LONRF2: variants seen among roughly 807,000 people sequenced by gnomAD.
The protein encoded by LONRF2 is LON peptidase N-terminal domain and ring finger 2.
In LONRF2, 35 loss-of-function variants were observed where a neutral mutation model predicts 66.6. That is an observed-to-expected ratio of 0.53 (90% confidence interval 0.40 to 0.70). The LOEUF (loss-of-function observed/expected upper bound fraction) is 0.70, where lower values mean the gene tolerates loss of function less well. LONRF2 is among the 30% of genes least tolerant of loss of function. The pLI is 0.00. For missense variants in LONRF2, 902 were observed against 1,002.1 expected, an observed-to-expected ratio of 0.90 and a Z score of 1.35; for synonymous variants, 417 against 418.1, an observed-to-expected ratio of 1.00 and a Z score of 0.03.
chr2:100,300,945 T>C (rs1233495099), intron 3 of LONRF2, among the ~76,000 whole-genome samples, 158 bp from the exon 4 acceptor site: 1 of 152,220 alleles, frequency 6.6e-6, no homozygotes, highest in Non-Finnish European at 1.5e-5. Context: ...CCAAACATTT[T>C]TGAAACCAGA....
chr2:100,291,643 C>T (rs984863089), intron 9 of LONRF2, among the ~76,000 whole-genome samples: 1 of 152,096 alleles, frequency 6.6e-6, no homozygotes, highest in African/African-American at 2.4e-5. Context: ...CCTGTCTGAC[C>T]TCCCTAAGGC....
Position 100,294,450 on chromosome 2 carries a change from G to A in LONRF2, c.1599-63C>T, listed in dbSNP as rs1675024383. 4.2e-6 allele frequency: 6 copies of A among 1,442,538 alleles called. No homozygotes were observed. The East Asian group carries it at 1.6e-4, about 37-fold the overall frequency. The allele number at this position is 1,442,538 out of a possible 1,614,324, so 89.4% of individuals were successfully genotyped here. On this transcript the variant is annotated intron_variant, in intron 8 of 11. Transcript: ENST00000393437. ...GCTGTTAGATCAGAGGGTGGTACTG[G>A]CCACCAAAACAGCAAAAGCCAGCCA...
chr2:100,300,527 G>T, intron 4 of LONRF2, 117 bp downstream of exon 4: 4 of 1,022,620 alleles, frequency 3.9e-6, no homozygotes, highest in South Asian at 2.3e-5. Flanking sequence ...CTGGTCTTGA[G>T]AAATATGTCT....
chr2:100,298,157 G>C (rs1290234740), intron 7 of LONRF2, among the ~76,000 whole-genome samples: 1 of 152,110 alleles, frequency 6.6e-6, no homozygotes, highest in Non-Finnish European at 1.5e-5. Flanking sequence ...GGCACTAATA[G>C]GACCACAGCC....
At chr2:100,317,716 C>T (rs939538101) in intron 1 of LONRF2, among the ~76,000 whole-genome samples, 2 of 151,696 alleles carry the variant, frequency 1.3e-5, no homozygotes, top group Admixed American at 1.3e-4. Context: ...AAAATATTTT[C>T]AGGTAAAGAA....
chr2:100,310,161 C>CT (rs36071140), intron 1 of LONRF2, among the ~76,000 whole-genome samples: 77,327 of 151,936 alleles, frequency 0.51, 20,028 homozygotes, highest in East Asian at 0.76. Context: ...CCAAGACTGG[C>CT]CTCTCTTTGA....
chr2:100,300,716 T>A lies in LONRF2; in HGVS notation c.993A>T (p.Arg331Ser). 3 of 1,613,954 alleles carry A rather than the reference T, an allele frequency of 1.9e-6. No homozygotes were observed. The highest frequency in any genetic ancestry group is 4.5e-5 in the East Asian group (2 of 44,874). Residue 331 changes from arginine (R) to serine (S), a missense_variant, in exon 4 of 12, where the codon AGA becomes AGT. Arg to Ser is a moderately radical substitution (Grantham distance 110, BLOSUM62 -1). Transcript: ENST00000393437. ...TGTGGCTGTGACCCTGAGCCTTTAATCTGCTTTGGATGGAAGATGTTAAAT... is the reference window on the plus strand; with the variant it reads ...TGTGGCTGTGACCCTGAGCCTTTAAACTGCTTTGGATGGAAGATGTTAAAT... ...HENLTSSIQS[R>S]LKAQGHSHMN...
At chr2:100,290,015 G>C (rs1674925377) in intron 10 of LONRF2, among the ~76,000 whole-genome samples, 1 of 152,160 alleles carries the variant, frequency 6.6e-6, no homozygotes, top group South Asian at 2.1e-4. Context: ...GCTAAAGCAG[G>C]AGGATCGTTT....
chr2:100,300,881 C>A lies in LONRF2; in HGVS notation c.922-94G>T, dbSNP rs560419575. ...ATAGATTCAGAGGAAACTAAGAGGC[C>A]AAATAAGCCTAAAATGTTGAAAAGA... On this transcript the variant is annotated intron_variant, in intron 3 of 11. Coordinates refer to ENST00000393437, the MANE Select transcript of LONRF2 (RefSeq NM_198461.4). 2.1e-5 allele frequency: 20 copies of A among 944,486 alleles called. 1 individual carries two copies. The highest frequency in any genetic ancestry group is 2.0e-4 in the African/African-American group (12 of 59,642). 58.5% of individuals were successfully genotyped at this position (944,486 alleles called of 1,614,324 possible). A position where few individuals can be genotyped will look rare whatever the true frequency, so the allele number is the denominator to read the frequency against.
Position 100,284,307 on chromosome 2 carries a change from T to C in LONRF2, c.2256A>G (p.Arg752=). 1 of 1,531,992 alleles carries C rather than the reference T, an allele frequency of 6.5e-7. No individual in the cohort carries two copies. Among genetic ancestry groups the C allele is most frequent in the Non-Finnish European group, 8.8e-7 (1 of 1,133,842 alleles). The allele number at this position is 1,531,992 out of a possible 1,614,324, so 94.9% of individuals were successfully genotyped here. A position where few individuals can be genotyped will look rare whatever the true frequency, so the allele number is the denominator to read the frequency against. ...SRQELANARE[R]NN is the part of the protein sequence containing the mutation. ...TTGACAGAGAGAAAAATCAATTATT[T>C]CTCTCCCTGGCATTAGCCAGCTCTT... The change falls in exon 12 of 12, where the codon AGA becomes AGG. Residue 752 remains arginine, a synonymous_variant. Coordinates refer to ENST00000393437, the MANE Select transcript of LONRF2 (RefSeq NM_198461.4).
chr2:100,276,748 A>C lies in LONRF2; in HGVS notation c.*7550T>G, dbSNP rs1573103055. 1 of 152,214 alleles carries C rather than the reference A, an allele frequency of 6.6e-6. No individual in the cohort carries two copies. The highest frequency in any genetic ancestry group is 1.5e-5 in the Non-Finnish European group (1 of 68,042). The allele number at this position is 152,214 out of a possible 1,614,324, so 9.4% of individuals were successfully genotyped here. On this transcript the variant is annotated 3_prime_UTR_variant, in exon 12 of 12. Coordinates refer to ENST00000393437, the MANE Select transcript of LONRF2 (RefSeq NM_198461.4). ...TTAAAATTATTAATTCTACACAATA[A>C]ATAACTGGCCAATATTTTGCTCTTA... is the stretch of plus-strand genomic sequence containing the variant.
At chr2:100,299,062 T>C (rs2105724211) in intron 6 of LONRF2, 112 bp from the exon 7 acceptor site, 2 of 907,306 alleles carry the variant, frequency 2.2e-6, no homozygotes, top group South Asian at 3.1e-5. Flanking sequence ...AGAAATCACT[T>C]GCATGCACTT....
intron 4 of LONRF2, 99 bp from the exon 5 acceptor site, chr2:100,300,017 A>G: frequency 2.4e-6 from 1 of 417,144 alleles, no homozygotes; most frequent in East Asian, 6.4e-5. Context: ...TTGGAAAAAA[A>G]AAGGGGGGGG....
At position 100,287,050 on chromosome 2, in the gene LONRF2, T is replaced by G; in HGVS notation, c.1934A>C (p.Glu645Ala). The change falls in exon 11 of 12, where the codon GAG (glutamate) becomes GCG (alanine). Residue 645 changes from glutamate to alanine, a missense_variant. This residue lies in a region of LONRF2 where 317 missense variants were observed against 432.2 expected (regional missense o/e 0.73). Coordinates refer to ENST00000393437, the MANE Select transcript of LONRF2 (RefSeq NM_198461.4). ...GTGGAGAGCGGCAAGTTCTTCATAC[T>G]CTGGACCCTCCACCTGATCAGGGAA... is the stretch of plus-strand genomic sequence containing the variant. ...YLEDEKVEGP[E>A]YEELAALHDS... 6.2e-7 allele frequency: 1 copy of G among 1,613,894 alleles called. No individual in the cohort carries two copies. The highest frequency in any genetic ancestry group is 1.1e-5 in the South Asian group (1 of 91,006).
chr2:100,286,977 A>C lies in LONRF2; in HGVS notation c.2007T>G (p.Asp669Glu), dbSNP rs1411891102. 3.7e-6 allele frequency: 6 copies of C among 1,614,120 alleles called. No individual in the cohort carries two copies. The African/African-American group carries it at 6.7e-5, about 18-fold the overall frequency. The change falls in exon 11 of 12, where the codon GAT becomes GAG. Residue 669 changes from aspartate (D) to glutamate (E), a missense_variant. Physicochemically the swap from Asp to Glu is conservative, Grantham distance 45 (BLOSUM62 2). Transcript: ENST00000393437. ...QSVSWFASLQ[D>E]RMKEQILSHF... is the part of the protein sequence containing the mutation. ...GACTTAAAATTTGTTCTTTCATGCGATCCTGGAGAGACGCGAACCAGGAAA... is the reference window on the plus strand; with the variant it reads ...GACTTAAAATTTGTTCTTTCATGCGCTCCTGGAGAGACGCGAACCAGGAAA...
In LONRF2 at chr2:100,300,638, T is replaced by C. The variant is rs781674306; in HGVS notation, c.1065+6A>G. 3 of 1,601,786 alleles carry C rather than the reference T, an allele frequency of 1.9e-6. No individual in the cohort carries two copies. Among genetic ancestry groups the C allele is most frequent in the Admixed American group, 3.6e-5 (2 of 56,110 alleles). ...GAGAATCCTGACAAATGCATGCACG[T>C]CATACCTCCGAGCTCCCTGCATCAC... is the stretch of plus-strand genomic sequence containing the variant. On this transcript the variant is annotated splice_donor_region_variant and intron_variant, in intron 4 of 11. Transcript: ENST00000393437.
chr2:100,274,325 G>C lies in LONRF2; in HGVS notation c.*9973C>G, dbSNP rs1674555424. The C allele has an allele frequency of 6.6e-6, 1 of 152,184 alleles. No individual in the cohort carries two copies. The highest frequency in any genetic ancestry group is 2.4e-5 in the African/African-American group (1 of 41,422). The allele number at this position is 152,184 out of a possible 1,614,324, so 9.4% of individuals were successfully genotyped here. A position where few individuals can be genotyped will look rare whatever the true frequency, so the allele number is the denominator to read the frequency against. On this transcript the variant is annotated 3_prime_UTR_variant, in exon 12 of 12. Transcript: ENST00000393437. ...GCTGCAGGCAGGTGCTTCTGCTCCT[G>C]AGCTCCTAAACACACCAAGGGGTGC...
Position 100,290,376 on chromosome 2 carries a change from G to A in LONRF2, c.1802C>T (p.Thr601Met), listed in dbSNP as rs898806141. The change falls in exon 10 of 12, where the codon ACG (threonine) becomes ATG (methionine). Residue 601 changes from threonine (T) to methionine (M), a missense_variant. Physicochemically the swap from Thr to Met is moderately conservative, Grantham distance 81. Around this residue, in one of 2 missense-constraint regions of LONRF2, gnomAD observed 317 missense variants for 432.2 expected, o/e 0.73. Transcript: ENST00000393437. ...TACAACAGAACTTCCATCAGGAAAC[G>A]TTCTCACGTCCTTAATCTCCAGCAT... ...GCMLEIKDVRTFPDGSSVVDA... is the reference protein window; with the variant it reads ...GCMLEIKDVRMFPDGSSVVDA... 3.1e-6 allele frequency: 5 copies of A among 1,614,006 alleles called. No homozygotes were observed. The highest frequency in any genetic ancestry group is 2.7e-5 in the African/African-American group (2 of 74,926).
At position 100,322,009 on chromosome 2, in the gene LONRF2, C is replaced by A. The variant is rs1193890313; in HGVS notation, c.85G>T (p.Glu29Ter). 1 of 1,435,654 alleles carries A rather than the reference C, an allele frequency of 7.0e-7. No homozygotes were observed. Among genetic ancestry groups the A allele is most frequent in the East Asian group, 3.0e-5 (1 of 33,718 alleles). The allele number at this position is 1,435,654 out of a possible 1,614,324, so 88.9% of individuals were successfully genotyped here. Residue 29 changes from glutamate to a stop codon, truncating the protein, a stop_gained, in exon 1 of 12, where the codon GAG becomes TAG. Coordinates refer to ENST00000393437, the MANE Select transcript of LONRF2 (RefSeq NM_198461.4). LOFTEE classifies it high-confidence loss of function. Reference sequence around the variant, plus strand: ...CCCGCGCGGAAGGCCTCGTCGCCCTCCTCTAAGCGCTGGGCGATCGGCTCC... The same window carrying A: ...CCCGCGCGGAAGGCCTCGTCGCCCTACTCTAAGCGCTGGGCGATCGGCTCC... ...RAEPIAQRLE[E>*]GDEAFRAGDY...
Sources: allele counts gnomAD v4.1 joint callset (sites outside exome capture counted in the v4.1 genomes callset), GRCh38; gene constraint gnomAD v4.1.1; regional missense constraint gnomAD v4.1.1; transcripts MANE v1.5; gene names NCBI Gene and HGNC (gene_info 2026-07-23, HGNC 2026-07-21).